The following ZDHHC14 variants were observed in gnomAD, a reference collection of about 807,000 sequenced individuals.
ZDHHC14 encodes the protein zDHHC palmitoyltransferase 14.
In ZDHHC14, 16 loss-of-function variants were observed where a neutral mutation model predicts 47.7. The ratio of observed to expected loss-of-function variants is 0.34; its 90% confidence interval spans 0.23 to 0.51. The LOEUF (loss-of-function observed/expected upper bound fraction) is 0.51. Among genes scored for constraint, ZDHHC14 ranks in the 20% least tolerant of loss-of-function variants. The pLI, the probability that ZDHHC14 is intolerant of heterozygous loss-of-function variation, is 0.97. For missense variants in ZDHHC14, 515 were observed against 662.5 expected (o/e 0.78, Z 2.44); for synonymous variants, 293 against 278.9 (o/e 1.05, Z -0.50).
At chr6:157,637,647 A>T (rs1260109796) in intron 5 of ZDHHC14, among the ~76,000 whole-genome samples, 2 of 152,196 alleles carry the variant, frequency 1.3e-5, no homozygotes, top group East Asian at 1.9e-4. Flanking sequence ...TGAGCACAGG[A>T]CTGGAGTCTA....
intron 1 of ZDHHC14, among the ~76,000 whole-genome samples, chr6:157,470,662 C>T (rs1048890660): frequency 6.6e-6 from 1 of 152,100 alleles, no homozygotes; most frequent in African/African-American, 2.4e-5. Flanking sequence ...TGTTATTTTA[C>T]AGATAGAAAA....
At chr6:157,600,859 G>A (rs1240025411) in intron 3 of ZDHHC14, among the ~76,000 whole-genome samples, 1 of 152,194 alleles carries the variant, frequency 6.6e-6, no homozygotes, top group Non-Finnish European at 1.5e-5. Flanking sequence ...CTTTGTAGAT[G>A]TCATAAAAGG....
chr6:157,536,817 A>ATTTTTTTTTTTTTTTT (rs1781558544), intron 1 of ZDHHC14, among the ~76,000 whole-genome samples: 1 of 107,070 alleles, frequency 9.3e-6, no homozygotes, highest in Non-Finnish European at 1.8e-5. Context: ...CCCTCCATCT[A>ATTTTTTTTTTTTTTTT]TCTTTTTTTT....
chr6:157,539,867 C>T (rs770526775), intron 1 of ZDHHC14, among the ~76,000 whole-genome samples: 22 of 150,008 alleles, frequency 1.5e-4, no homozygotes, highest in Non-Finnish European at 3.1e-4. Context: ...ATTACTCTTT[C>T]ATTTGCTTAA....
chr6:157,422,001 C>T (rs1199037913), intron 1 of ZDHHC14, among the ~76,000 whole-genome samples: 1 of 152,170 alleles, frequency 6.6e-6, no homozygotes, highest in Non-Finnish European at 1.5e-5. Flanking sequence ...AGCCTCATAA[C>T]GATTCTGAGG....
intron 3 of ZDHHC14, among the ~76,000 whole-genome samples, chr6:157,618,398 T>C (rs1014825743): frequency 2.6e-5 from 4 of 152,166 alleles, no homozygotes; most frequent in African/African-American, 9.7e-5. Flanking sequence ...CTTGGCTCAC[T>C]GCAACCTCCG....
chr6:157,485,900 C>CTACT (rs1554260774), intron 1 of ZDHHC14, among the ~76,000 whole-genome samples: 3 of 152,182 alleles, frequency 2.0e-5, no homozygotes, highest in African/African-American at 7.2e-5. Context: ...GTAATCCCAG[C>CTACT]TACTCGGGAG....
At chr6:157,616,254 G>A (rs1224659030) in intron 3 of ZDHHC14, among the ~76,000 whole-genome samples, 1 of 152,174 alleles carries the variant, frequency 6.6e-6, no homozygotes, top group Non-Finnish European at 1.5e-5. Context: ...AGATCAGAGA[G>A]ACCATGACCA....
intron 1 of ZDHHC14, among the ~76,000 whole-genome samples, chr6:157,501,985 A>G (rs1172644362): frequency 2.0e-5 from 3 of 152,242 alleles, no homozygotes; most frequent in Non-Finnish European, 4.4e-5. Flanking sequence ...CGTGGAGGTC[A>G]GTCTTCATGC....
intron 1 of ZDHHC14, among the ~76,000 whole-genome samples, chr6:157,416,989 T>TG (rs1777992528): frequency 7.3e-6 from 1 of 136,114 alleles, no homozygotes; most frequent in African/African-American, 2.8e-5. Context: ...TTTTTTTTTT[T>TG]TTTTTTTTTT....
At chr6:157,400,876 G>A (rs922035235) in intron 1 of ZDHHC14, among the ~76,000 whole-genome samples, 8 of 152,170 alleles carry the variant, frequency 5.3e-5, no homozygotes, top group Non-Finnish European at 7.3e-5. Context: ...AGCTGTGCAC[G>A]CCTTTATCAT....
intron 2 of ZDHHC14, among the ~76,000 whole-genome samples, chr6:157,568,017 A>G (rs980858688): frequency 6.6e-6 from 1 of 152,160 alleles, no homozygotes; most frequent in Non-Finnish European, 1.5e-5. Flanking sequence ...TGAAGTAAGA[A>G]TCTGAAAAAC....
chr6:157,385,978 T>C (rs1018225555), intron 1 of ZDHHC14, among the ~76,000 whole-genome samples: 1 of 152,250 alleles, frequency 6.6e-6, no homozygotes, highest in Non-Finnish European at 1.5e-5. Flanking sequence ...AGAAAATGTA[T>C]ACTTTGCACA....
chr6:157,593,452 T>G (rs1353050691), intron 3 of ZDHHC14, among the ~76,000 whole-genome samples: 1 of 152,148 alleles, frequency 6.6e-6, no homozygotes, highest in Non-Finnish European at 1.5e-5. Flanking sequence ...GGCCTCTCGA[T>G]TGCCACAGGT....
intron 1 of ZDHHC14, among the ~76,000 whole-genome samples, chr6:157,505,988 G>A (rs1012003223): frequency 3.3e-5 from 5 of 152,246 alleles, no homozygotes; most frequent in African/African-American, 4.8e-5. Context: ...ATGAGCTCTA[G>A]TGTAGATAGC....
intron 1 of ZDHHC14, among the ~76,000 whole-genome samples, chr6:157,466,198 T>C (rs368933261): frequency 8.5e-5 from 13 of 152,218 alleles, no homozygotes; most frequent in African/African-American, 3.1e-4. Context: ...CCCCTGTGGC[T>C]TGCTGTGATG....
intron 1 of ZDHHC14, among the ~76,000 whole-genome samples, chr6:157,518,372 C>T (rs1411510508): frequency 1.6e-5 from 2 of 121,898 alleles, no homozygotes; most frequent in East Asian, 4.7e-4. Context: ...ATTGAGCTCT[C>T]CAGGGGCAAT....
intron 1 of ZDHHC14, among the ~76,000 whole-genome samples, chr6:157,527,916 A>G (rs1181560356): frequency 6.6e-6 from 1 of 152,090 alleles, no homozygotes; most frequent in Non-Finnish European, 1.5e-5. Context: ...CTCTCTCTCC[A>G]TTGTATCACT....
intron 1 of ZDHHC14, among the ~76,000 whole-genome samples, chr6:157,426,532 G>C (rs569773060): frequency 2.6e-5 from 4 of 152,132 alleles, no homozygotes; most frequent in African/African-American, 7.2e-5. Flanking sequence ...GGGCACTCAG[G>C]GGGAGAAGCG....
Sources: allele counts gnomAD v4.1 joint callset (sites outside exome capture counted in the v4.1 genomes callset), GRCh38; gene constraint gnomAD v4.1.1; transcripts MANE v1.5; gene names NCBI Gene and HGNC (gene_info 2026-07-23, HGNC 2026-07-21).